The following TBC1D4 variants were observed in gnomAD, a reference collection of about 807,000 sequenced individuals.
TBC1D4 encodes TBC (Tre-2, BUB2, CDC16) domain-containing protein.
TBC1D4 carries 121 observed loss-of-function variants against 142.5 expected under a neutral mutation model. The ratio of observed to expected loss-of-function variants is 0.85; its 90% CI spans 0.73 to 0.99. The LOEUF is 0.99. Ranked by LOEUF, TBC1D4 falls within the 50% of genes least tolerant of loss-of-function variation. The probability of loss-of-function intolerance (pLI) is 0.00; values close to 1 mark genes in which losing one functional copy is unlikely to be tolerated. For missense variants in TBC1D4, 1,475 were observed against 1,606.6 expected (o/e 0.92, Z 1.40); for synonymous variants, 630 against 628.2 (o/e 1.00, Z -0.04).
chr13:75,349,222 C>A lies in TBC1D4; in HGVS notation c.1356G>T (p.Leu452=), dbSNP rs750396776. The change falls in exon 5 of 21, where the codon CTG becomes CTT. Residue 452 remains leucine, a synonymous_variant. Coordinates refer to ENST00000377636, the MANE Select transcript of TBC1D4 (RefSeq NM_014832.5). ...ALQSAKTQIK[L]CEACPMHSLH... ...AAGAGTGCATCGGGCAGGCCTCACACAGTTTAATCTGCGTCTTGGCACTCT... is the reference window on the plus strand; with the variant it reads ...AAGAGTGCATCGGGCAGGCCTCACAAAGTTTAATCTGCGTCTTGGCACTCT... The A allele has an allele frequency of 6.4e-5, 104 of 1,613,864 alleles. No homozygotes were observed. Among genetic ancestry groups the A allele is most frequent in the Non-Finnish European group, 6.8e-5 (80 of 1,179,968 alleles).
At position 75,391,807 on chromosome 13, in the gene TBC1D4, C is replaced by A. The variant is rs59043782; in HGVS notation, c.499-29200G>T. On this transcript the variant is annotated intron_variant, in intron 1 of 20. Transcript: ENST00000377636. ...CCACTCTCCCTTACTCAGTCCACTC[C>A]AGCCATGTGGCCTCCTGACTGCTCC... Among the ~76,000 whole-genome samples the A allele has an allele frequency of 1.5e-3, 222 of 152,292 alleles. 1 individual carries two copies. Among genetic ancestry groups the A allele is most frequent in the African/African-American group, 5.1e-3 (210 of 41,556 alleles).
rs1381059691 is a variant in TBC1D4, at chr13:75,341,250, A to G, written c.1501-15T>C. On this transcript the variant is annotated splice_polypyrimidine_tract_variant and intron_variant, in intron 6 of 20. Transcript: ENST00000377636. The stretch of plus-strand genomic sequence containing the variant: ...GGCTTCATTTTCTGTTCAACAGACA[A>G]ACCAAAAGAACACTATGGCAACACC... The G allele has an allele frequency of 3.1e-6, 5 of 1,602,638 alleles. No individual in the cohort carries two copies. The highest frequency in any genetic ancestry group is 4.3e-6 in the Non-Finnish European group (5 of 1,169,936).
chr13:75,325,794 C>T (rs535358286), intron 10 of TBC1D4, among the ~76,000 whole-genome samples: 23 of 152,202 alleles, frequency 1.5e-4, no homozygotes, highest in African/African-American at 5.5e-4. Flanking sequence ...ACTTAGGTGA[C>T]TTTTAAAACC....
intron 17 of TBC1D4, among the ~76,000 whole-genome samples, chr13:75,298,749 T>TCA (rs71127530): frequency 0.053 from 8,028 of 150,488 alleles, 242 homozygotes; most frequent in African/African-American, 0.063. Context: ...CAAGATTCCA[T>TCA]CACACACACA....
At chr13:75,427,501 C>T (rs917677611) in intron 1 of TBC1D4, among the ~76,000 whole-genome samples, 3 of 152,046 alleles carry the variant, frequency 2.0e-5, no homozygotes, top group Non-Finnish European at 2.9e-5. Context: ...CTGGCCAACA[C>T]AGAAAGACCC....
At chr13:75,361,029 G>C (rs186035112) in intron 2 of TBC1D4, among the ~76,000 whole-genome samples, 1 of 152,130 alleles carries the variant, frequency 6.6e-6, no homozygotes, top group African/African-American at 2.4e-5. Context: ...AATCTCACAA[G>C]CTGAGAATTA....
chr13:75,300,936 A>G lies in TBC1D4; in HGVS notation c.2911+1307T>C, dbSNP rs1430371182. The stretch of plus-strand genomic sequence containing the variant: ...CCACAATTAGTGGCACAATCAGCAC[A>G]AAAACTCATTTTCAGTTTCTCTGTA... On this transcript the variant is annotated intron_variant, in intron 16 of 20. Transcript: ENST00000377636. Among the ~76,000 whole-genome samples the G allele has an allele frequency of 2.6e-5, 4 of 152,210 alleles. No homozygotes were observed. In the East Asian group the frequency reaches 5.8e-4, roughly 22 times the overall value.
At chr13:75,305,173 G>T (rs1877046001) in intron 15 of TBC1D4, among the ~76,000 whole-genome samples, 1 of 152,124 alleles carries the variant, frequency 6.6e-6, no homozygotes, top group African/African-American at 2.4e-5. Context: ...CTCCATGTGA[G>T]ACACACCTTT....
intron 1 of TBC1D4, among the ~76,000 whole-genome samples, chr13:75,462,230 T>C (rs1218267628): frequency 1.3e-5 from 2 of 152,140 alleles, no homozygotes; most frequent in Non-Finnish European, 2.9e-5. Flanking sequence ...GCAGTTCAAT[T>C]ACGGAAACAG....
Position 75,435,849 on chromosome 13 carries a change from TG to T in TBC1D4, c.498+45420del, listed in dbSNP as rs534591565. Among the ~76,000 whole-genome samples the T allele has an allele frequency of 3.4e-4, 52 of 152,322 alleles. No individual in the cohort carries two copies. The South Asian group carries it at 7.7e-3, about 22-fold the overall frequency. ...GAAGTCAGTGTAAAAGAGTTGCCAC[TG>T]GCAAACTCTGGGAAATAATGACAGT... On this transcript the variant is annotated intron_variant, in intron 1 of 20. Transcript: ENST00000377636.
At chr13:75,344,151 T>C in intron 5 of TBC1D4, among the ~76,000 whole-genome samples, 1 of 152,244 alleles carries the variant, frequency 6.6e-6, no homozygotes, top group Non-Finnish European at 1.5e-5. Context: ...GCCCGGCCAC[T>C]ATCACAATTT....
At chr13:75,340,674 C>T (rs990257274) in intron 7 of TBC1D4, among the ~76,000 whole-genome samples, 5 of 152,116 alleles carry the variant, frequency 3.3e-5, no homozygotes, top group Admixed American at 3.3e-4. Flanking sequence ...TGGCCGGGTG[C>T]AGTGGCTCAT....
At chr13:75,334,238 G>A (rs1387327645) in intron 8 of TBC1D4, among the ~76,000 whole-genome samples, 1 of 151,676 alleles carries the variant, frequency 6.6e-6, no homozygotes, top group Middle Eastern at 3.2e-3. Flanking sequence ...TGTCCCAGTG[G>A]GAGCCCTTTC....
At chr13:75,394,020 G>C (rs796423409) in intron 1 of TBC1D4, among the ~76,000 whole-genome samples, 6 of 152,108 alleles carry the variant, frequency 3.9e-5, no homozygotes, top group African/African-American at 1.4e-4. Flanking sequence ...CAGTCTATCA[G>C]AATGATTTGG....
At chr13:75,367,524 T>TAA (rs766211283) in intron 1 of TBC1D4, among the ~76,000 whole-genome samples, 2 of 138,858 alleles carry the variant, frequency 1.4e-5, no homozygotes. Context: ...TAGAGAAGTG[T>TAA]AAAAAAAAAA....
chr13:75,292,166 A>G lies in TBC1D4; in HGVS notation c.3422T>C (p.Val1141Ala). 2 of 1,613,490 alleles carry G rather than the reference A, an allele frequency of 1.2e-6. No homozygotes were observed. Among genetic ancestry groups the G allele is most frequent in the Non-Finnish European group, 1.7e-6 (2 of 1,179,674 alleles). Residue 1141 changes from valine to alanine, a missense_variant, in exon 19 of 21, where the codon GTT becomes GCT. This residue lies in a region of TBC1D4 where 248 missense variants were observed against 338.9 expected (regional missense o/e 0.73). Coordinates refer to ENST00000377636, the MANE Select transcript of TBC1D4 (RefSeq NM_014832.5). Reference protein sequence around the residue: ...IMECESFENIVEFLKNTLPDM... With the variant: ...IMECESFENIAEFLKNTLPDM... ...AGGTAGCGTGTTTTTAAGAAACTCAACAATATTTTCAAAGCTCTCACATTC... is the reference window on the plus strand; with the variant it reads ...AGGTAGCGTGTTTTTAAGAAACTCAGCAATATTTTCAAAGCTCTCACATTC...
chr13:75,292,310 C>T lies in TBC1D4; in HGVS notation c.3317-39G>A, dbSNP rs774885880. The T allele has an allele frequency of 2.7e-5, 41 of 1,544,812 alleles. No individual in the cohort carries two copies. The African/African-American group carries it at 5.0e-4, about 19-fold the overall frequency. ...TATAATTTTCATGATCAAAACTATG[C>T]ATCCACTCTTGTAAAAAGCACGCTA... On this transcript the variant is annotated intron_variant, in intron 18 of 20. Transcript: ENST00000377636.
At chr13:75,426,770 A>G (rs1392854883) in intron 1 of TBC1D4, among the ~76,000 whole-genome samples, 1 of 152,144 alleles carries the variant, frequency 6.6e-6, no homozygotes, top group African/African-American at 2.4e-5. Context: ...GGCCAGGCAC[A>G]GTGGCTCACA....
intron 1 of TBC1D4, among the ~76,000 whole-genome samples, chr13:75,391,101 C>A (rs1884463605): frequency 6.9e-6 from 1 of 145,918 alleles, no homozygotes; most frequent in African/African-American, 2.6e-5. Flanking sequence ...GATGTCATGG[C>A]CTCCTGCACA....
Sources: allele counts gnomAD v4.1 joint callset (sites outside exome capture counted in the v4.1 genomes callset), GRCh38; gene constraint gnomAD v4.1.1; regional missense constraint gnomAD v4.1.1; transcripts MANE v1.5; gene names NCBI Gene and HGNC (gene_info 2026-07-23, HGNC 2026-07-21).